SNX29: variants seen among roughly 807,000 people sequenced by gnomAD.
The protein encoded by SNX29 is sorting nexin 29.
SNX29 carries 78 observed loss-of-function variants against 102.1 expected under a neutral mutation model. The observed-to-expected ratio is 0.76, with a 90% CI of 0.64 to 0.92. SNX29 has a LOEUF of 0.92. Ranked by LOEUF, SNX29 falls within the 40% of genes least tolerant of loss-of-function variation. The probability of loss-of-function intolerance (pLI) is 0.00; values close to 1 mark genes in which losing one functional copy is unlikely to be tolerated. For missense variants in SNX29, 1,280 were observed against 1,061.7 expected, an observed-to-expected ratio of 1.21 and a Z score of -2.86; for synonymous variants, 580 against 414.5, an observed-to-expected ratio of 1.40 and a Z score of -4.85.
intron 18 of SNX29, among the ~76,000 whole-genome samples, 160 bp downstream of exon 18, chr16:12,403,689 A>C (rs1258354916): frequency 6.6e-6 from 1 of 152,082 alleles, no homozygotes; most frequent in African/African-American, 2.4e-5. Flanking sequence ...TTGCCGAAGA[A>C]GTCTGTGGCT....
At chr16:12,234,706 C>T (rs561365915) in intron 14 of SNX29, among the ~76,000 whole-genome samples, 1 of 152,256 alleles carries the variant, frequency 6.6e-6, no homozygotes, top group African/African-American at 2.4e-5. Flanking sequence ...GGCTTCAGCC[C>T]AGAGGTTTTG....
intron 20 of SNX29, among the ~76,000 whole-genome samples, chr16:12,533,109 C>G (rs1188143209): frequency 6.6e-6 from 1 of 152,210 alleles, no homozygotes; most frequent in Non-Finnish European, 1.5e-5. Flanking sequence ...GGGACAGGTT[C>G]AACTCGACAG....
At chr16:12,539,968 A>C (rs939169192) in intron 20 of SNX29, among the ~76,000 whole-genome samples, 7 of 152,192 alleles carry the variant, frequency 4.6e-5, no homozygotes, top group Non-Finnish European at 1.0e-4. Flanking sequence ...TGTGAGTTGC[A>C]CATATTTTCT....
chr16:12,421,095 G>T (rs1285143753), intron 18 of SNX29, among the ~76,000 whole-genome samples: 1 of 152,198 alleles, frequency 6.6e-6, no homozygotes, highest in African/African-American at 2.4e-5. Flanking sequence ...GCACAGGAAG[G>T]TTAAGTGCCT....
In SNX29 at chr16:12,405,738, T is replaced by G. The variant is rs377647239; in HGVS notation, c.2037+2209T>G. Among the ~76,000 whole-genome samples the G allele has an allele frequency of 3.9e-5, 6 of 152,284 alleles. No individual in the cohort carries two copies. In the South Asian group the frequency reaches 1.2e-3, roughly 32 times the overall value. On this transcript the variant is annotated intron_variant, in intron 18 of 20. Transcript: ENST00000566228. The stretch of plus-strand genomic sequence containing the variant: ...TGTTGAAGAGTACTTATTTTAGAAT[T>G]AAAAAAGTATGCTGGCCAAGCATGG...
At position 12,325,879 on chromosome 16, in the gene SNX29, A is replaced by G. The variant is rs1198325194; in HGVS notation, c.1783-30284A>G. Among the ~76,000 whole-genome samples the G allele has an allele frequency of 3.9e-5, 6 of 151,978 alleles. No individual in the cohort carries two copies. In the East Asian group the frequency reaches 1.2e-3, roughly 30 times the overall value. ...CTGTCTCTAAAAATTTTTTAAAGCT[A>G]TTAGTTGGGTGTGGGGGCATGTACC... On this transcript the variant is annotated intron_variant, in intron 15 of 20. Coordinates refer to ENST00000566228, the MANE Select transcript of SNX29 (RefSeq NM_032167.5).
At chr16:12,198,836 C>T (rs117137375) in intron 13 of SNX29, among the ~76,000 whole-genome samples, 262 of 152,298 alleles carry the variant, frequency 1.7e-3, no homozygotes, top group East Asian at 0.013. Flanking sequence ...CGCTGAATGA[C>T]GGATGGATGA....
intron 16 of SNX29, among the ~76,000 whole-genome samples, chr16:12,380,776 T>TCCCTCCACCCA (rs2083078918): frequency 2.3e-5 from 1 of 42,766 alleles, no homozygotes; most frequent in Non-Finnish European, 5.5e-5. Flanking sequence ...CCACCATCCA[T>TCCCTCCACCCA]CCATCCACCC....
At chr16:12,243,662 AGTT>A (rs1483434121) in intron 14 of SNX29, among the ~76,000 whole-genome samples, 14 of 152,116 alleles carry the variant, frequency 9.2e-5, no homozygotes, top group Admixed American at 9.2e-4. Flanking sequence ...TGGGTTGAAT[AGTT>A]GTATGATTGG....
intron 19 of SNX29, among the ~76,000 whole-genome samples, chr16:12,516,920 A>G (rs1045340788): frequency 4.7e-4 from 72 of 152,214 alleles, no homozygotes; most frequent in Non-Finnish European, 1.6e-4. Context: ...ACAGCATTCC[A>G]TCGTTTTAAA....
chr16:12,447,285 C>A (rs562916077), intron 18 of SNX29, among the ~76,000 whole-genome samples: 2 of 151,122 alleles, frequency 1.3e-5, no homozygotes, highest in Non-Finnish European at 2.9e-5. Flanking sequence ...GTCCCATCGG[C>A]TTAGCATGAG....
intron 15 of SNX29, among the ~76,000 whole-genome samples, chr16:12,301,358 C>G (rs1031032929): frequency 1.3e-5 from 2 of 152,220 alleles, no homozygotes; most frequent in Non-Finnish European, 2.9e-5. Context: ...GTTCTACTCT[C>G]CAGCCCCCTC....
intron 20 of SNX29, among the ~76,000 whole-genome samples, chr16:12,547,070 G>A (rs1366577305): frequency 2.6e-5 from 4 of 152,212 alleles, no homozygotes; most frequent in African/African-American, 9.6e-5. Context: ...GAATAGTGAG[G>A]CAGACATGCC....
intron 3 of SNX29, among the ~76,000 whole-genome samples, chr16:12,023,417 A>C (rs998777431): frequency 1.7e-4 from 25 of 150,808 alleles, no homozygotes; most frequent in African/African-American, 6.1e-4. Context: ...CAAAAAAAAA[A>C]AAAAAAAAAA....
At chr16:12,175,021 T>C (rs2076229476) in intron 13 of SNX29, among the ~76,000 whole-genome samples, 1 of 152,214 alleles carries the variant, frequency 6.6e-6, no homozygotes, top group Non-Finnish European at 1.5e-5. Flanking sequence ...CAAGCAATGC[T>C]AATTATATTT....
chr16:12,447,720 T>C (rs562556552), intron 18 of SNX29, among the ~76,000 whole-genome samples: 54 of 152,278 alleles, frequency 3.5e-4, no homozygotes, highest in African/African-American at 1.3e-3. Flanking sequence ...GATTGCCAGC[T>C]CGTGTGTTAT....
At chr16:12,121,761 T>C (rs2053983351) in intron 11 of SNX29, among the ~76,000 whole-genome samples, 1 of 152,080 alleles carries the variant, frequency 6.6e-6, no homozygotes, top group Non-Finnish European at 1.5e-5. Flanking sequence ...CTGGGCCCAG[T>C]TTAGGGTTTC....
intron 13 of SNX29, among the ~76,000 whole-genome samples, chr16:12,163,270 C>T (rs142244600): frequency 1.3e-5 from 2 of 152,174 alleles, no homozygotes; most frequent in Admixed American, 6.5e-5. Context: ...CGGGACTGGC[C>T]TCCCTGAGGA....
chr16:12,155,487 G>T (rs940338822), intron 13 of SNX29, among the ~76,000 whole-genome samples: 1 of 152,112 alleles, frequency 6.6e-6, no homozygotes, highest in Non-Finnish European at 1.5e-5. Context: ...AAGGACCCTG[G>T]ACTCTTTCCA....
Sources: allele counts gnomAD v4.1 joint callset (sites outside exome capture counted in the v4.1 genomes callset), GRCh38; gene constraint gnomAD v4.1.1; transcripts MANE v1.5; gene names NCBI Gene and HGNC (gene_info 2026-07-23, HGNC 2026-07-21).